Variants in ABLIM1 observed in about 807,000 individuals in gnomAD.
ABLIM1 encodes the protein actin-binding LIM protein 1.
In ABLIM1, 40 loss-of-function variants were observed where a neutral mutation model predicts 107.0. The observed-to-expected ratio is 0.37, with a 90% CI of 0.29 to 0.49. The LOEUF (loss-of-function observed/expected upper bound fraction) is 0.49, where lower values mean the gene tolerates loss of function less well. ABLIM1 is among the 20% of genes least tolerant of loss of function. The pLI, the probability that ABLIM1 is intolerant of heterozygous loss-of-function variation, is 0.97. For synonymous variants in ABLIM1, 357 were observed against 357.3 expected (o/e 1.00, Z 0.01); for missense variants, 857 against 1,008.5 (o/e 0.85, Z 2.04).
intron 1 of ABLIM1, chr10:114,615,481 C>T: frequency 2.3e-6 from 1 of 433,588 alleles, no homozygotes; most frequent in South Asian, 1.6e-5. Flanking sequence ...TCTCAGTTTC[C>T]TCTCTTTATA....
intron 1 of ABLIM1, among the ~76,000 whole-genome samples, chr10:114,638,764 G>A (rs914193664): frequency 6.6e-6 from 1 of 152,146 alleles, no homozygotes; most frequent in Non-Finnish European, 1.5e-5. Flanking sequence ...TGCCTTGCCT[G>A]TGTAAAGCAA....
chr10:114,742,955 G>A (rs2082315536), intron 1 of ABLIM1, among the ~76,000 whole-genome samples: 1 of 152,140 alleles, frequency 6.6e-6, no homozygotes, highest in East Asian at 1.9e-4. Flanking sequence ...CTACCTCAAG[G>A]ACAGATGTGA....
intron 1 of ABLIM1, among the ~76,000 whole-genome samples, chr10:114,708,142 C>A (rs2081465681): frequency 6.6e-6 from 1 of 152,008 alleles, no homozygotes; most frequent in South Asian, 2.1e-4. Flanking sequence ...AAAAAGGAGC[C>A]CCCATGAGAA....
intron 8 of ABLIM1, among the ~76,000 whole-genome samples, chr10:114,483,152 G>A (rs2057640091): frequency 6.6e-6 from 1 of 152,224 alleles, no homozygotes; most frequent in South Asian, 2.1e-4. Context: ...TCATATCATA[G>A]GAACCCAGTA....
intron 1 of ABLIM1, among the ~76,000 whole-genome samples, chr10:114,708,126 C>T (rs534352430): frequency 4.6e-5 from 7 of 152,178 alleles, no homozygotes; most frequent in East Asian, 1.9e-4. Context: ...AGGAGAAGAG[C>T]GTTTAAAAAA....
chr10:114,439,900 G>A, intron 20 of ABLIM1, 182 bp downstream of exon 20: 1 of 1,039,286 alleles, frequency 9.6e-7, no homozygotes, highest in African/African-American at 1.6e-5. Flanking sequence ...AAGGCCTGCA[G>A]GGACAGCTTG....
intron 1 of ABLIM1, among the ~76,000 whole-genome samples, chr10:114,711,305 G>A (rs808253): frequency 0.57 from 86,585 of 151,950 alleles, 25,189 homozygotes; most frequent in South Asian, 0.64. Context: ...GAGCCCTCCT[G>A]TTGCTATACA....
the ABLIM1 span, among the ~76,000 whole-genome samples, chr10:114,782,307 T>A: frequency 2.0e-5 from 3 of 152,240 alleles, no homozygotes; most frequent in East Asian, 5.8e-4. Context: ...CATTTATTCA[T>A]TCAATCAGGA....
chr10:114,596,221 C>A (rs1207449876), intron 2 of ABLIM1, among the ~76,000 whole-genome samples: 1 of 152,240 alleles, frequency 6.6e-6, no homozygotes, highest in Non-Finnish European at 1.5e-5. Context: ...CATTCTAACT[C>A]CCCTGTGGCC....
At chr10:114,610,397 G>A (rs1359885772) in intron 1 of ABLIM1, among the ~76,000 whole-genome samples, 7 of 152,098 alleles carry the variant, frequency 4.6e-5, no homozygotes, top group Admixed American at 4.6e-4. Context: ...AAAGACAGGA[G>A]TCCTATTCTC....
At chr10:114,733,077 A>G (rs934226483) in intron 1 of ABLIM1, among the ~76,000 whole-genome samples, 3 of 152,178 alleles carry the variant, frequency 2.0e-5, no homozygotes, top group African/African-American at 7.2e-5. Flanking sequence ...GAGAGCCATG[A>G]GTGTAGTTAC....
intron 2 of ABLIM1, among the ~76,000 whole-genome samples, chr10:114,578,748 C>A (rs1237647646): frequency 1.3e-5 from 2 of 151,258 alleles, no homozygotes; most frequent in Non-Finnish European, 2.9e-5. Context: ...ACCCATTTCC[C>A]CAATGAGGTG....
chr10:114,684,136 T>A (rs1446197397), intron 1 of ABLIM1, among the ~76,000 whole-genome samples: 1 of 152,186 alleles, frequency 6.6e-6, no homozygotes, highest in Non-Finnish European at 1.5e-5. Context: ...ATATGTACTA[T>A]CACAGAAATA....
chr10:114,734,540 T>C (rs1025875356), intron 1 of ABLIM1, among the ~76,000 whole-genome samples: 4 of 152,180 alleles, frequency 2.6e-5, no homozygotes, highest in African/African-American at 7.2e-5. Flanking sequence ...CCTCCTTCTC[T>C]GGAAGGCCCA....
chr10:114,706,991 T>G (rs2081436609), intron 1 of ABLIM1, among the ~76,000 whole-genome samples: 1 of 152,210 alleles, frequency 6.6e-6, no homozygotes, highest in African/African-American at 2.4e-5. Flanking sequence ...ACCAGCACTG[T>G]CAATGGAAAT....
intron 1 of ABLIM1, among the ~76,000 whole-genome samples, chr10:114,729,534 TTTGA>T (rs1340742991): frequency 7.2e-5 from 11 of 152,112 alleles, no homozygotes; most frequent in African/African-American, 2.7e-4. Flanking sequence ...GTTTAAGTTC[TTTGA>T]TTGTGAATGA....
intron 8 of ABLIM1, among the ~76,000 whole-genome samples, chr10:114,483,711 C>T (rs1290259509): frequency 6.6e-6 from 1 of 152,198 alleles, no homozygotes; most frequent in Non-Finnish European, 1.5e-5. Context: ...AAAATAGAAA[C>T]TCAAACTCTT....
chr10:114,739,319 G>A (rs2082242320), intron 1 of ABLIM1, among the ~76,000 whole-genome samples: 1 of 152,186 alleles, frequency 6.6e-6, no homozygotes. Context: ...GAGAAGCTGG[G>A]AATAATTAGG....
At chr10:114,767,735 C>T (rs2082934140) in intron 1 of ABLIM1, among the ~76,000 whole-genome samples, 1 of 152,148 alleles carries the variant, frequency 6.6e-6, no homozygotes, top group South Asian at 2.1e-4. Context: ...AATACCTCTT[C>T]CTCCCTCCTG....
Sources: allele counts gnomAD v4.1 joint callset (sites outside exome capture counted in the v4.1 genomes callset), GRCh38; gene constraint gnomAD v4.1.1; transcripts MANE v1.5; gene names NCBI Gene and HGNC (gene_info 2026-07-23, HGNC 2026-07-21).